Variants in GRAMD1C observed in about 807,000 individuals in gnomAD.
GRAMD1C encodes the protein protein Aster-C.
Under a neutral mutation model 97.8 loss-of-function variants are expected in GRAMD1C, and 89 were observed. That is an observed-to-expected ratio of 0.91 (90% CI 0.77 to 1.09). GRAMD1C has a LOEUF of 1.09. GRAMD1C is among the 50% of genes least tolerant of loss of function. The pLI is 0.00. For synonymous variants in GRAMD1C, 256 were observed against 267.0 expected (o/e 0.96, Z 0.40); for missense variants, 740 against 766.4 (o/e 0.97, Z 0.41).
intron 2 of GRAMD1C, among the ~76,000 whole-genome samples, chr3:113,848,984 A>AAAC (rs1933733526): frequency 6.6e-6 from 1 of 151,730 alleles, no homozygotes; most frequent in Non-Finnish European, 1.5e-5. Flanking sequence ...AGCAAAATGT[A>AAAC]AAACAAACAA....
intron 1 of GRAMD1C, among the ~76,000 whole-genome samples, chr3:113,839,288 C>T (rs1490767677): frequency 6.6e-6 from 1 of 152,208 alleles, no homozygotes; most frequent in Non-Finnish European, 1.5e-5. Flanking sequence ...TGCCCCCTTC[C>T]TTTCATTCTC....
intron 10 of GRAMD1C, chr3:113,919,749 A>G (rs973692867): frequency 1.7e-6 from 1 of 588,338 alleles, no homozygotes; most frequent in Non-Finnish European, 3.2e-6. Flanking sequence ...CTACATATAT[A>G]ATTTGAATAT....
At chr3:113,885,415 A>G in intron 6 of GRAMD1C, 1 of 1,574,264 alleles carries the variant, frequency 6.4e-7, no homozygotes, top group South Asian at 1.1e-5. Context: ...TCAGTACCAA[A>G]CTGTTCGATA....
upstream of GRAMD1C, among the ~76,000 whole-genome samples, chr3:113,836,011 C>A (rs1709625425): frequency 6.6e-6 from 1 of 152,190 alleles, no homozygotes; most frequent in African/African-American, 2.4e-5. Flanking sequence ...CGCCTGTAAT[C>A]TCAGCACTTT....
chr3:113,846,963 A>C (rs533087386), intron 2 of GRAMD1C, among the ~76,000 whole-genome samples: 11 of 152,312 alleles, frequency 7.2e-5, no homozygotes, highest in Admixed American at 7.2e-4. Flanking sequence ...AAGCAAACAA[A>C]AACAAAAAAA....
At chr3:113,863,762 T>G (rs1267100259) in intron 2 of GRAMD1C, among the ~76,000 whole-genome samples, 2 of 152,210 alleles carry the variant, frequency 1.3e-5, no homozygotes, top group African/African-American at 4.8e-5. Flanking sequence ...CTGGTGCCTG[T>G]AGCTTTCCCA....
intron 9 of GRAMD1C, 127 bp from the exon 10 acceptor site, chr3:113,915,573 AT>A: frequency 3.1e-6 from 2 of 644,394 alleles, no homozygotes; most frequent in Non-Finnish European, 5.3e-6. Context: ...TGTTCTCCTC[AT>A]TGTAATCATA....
chr3:113,902,993 G>T (rs900141423), intron 7 of GRAMD1C, among the ~76,000 whole-genome samples: 10 of 146,922 alleles, frequency 6.8e-5, no homozygotes, highest in Admixed American at 4.8e-4. Context: ...TGGAGATGGA[G>T]TCTCACTCTG....
At chr3:113,896,298 CT>C (rs1935944563) in intron 6 of GRAMD1C, among the ~76,000 whole-genome samples, 1 of 152,182 alleles carries the variant, frequency 6.6e-6, no homozygotes, top group Non-Finnish European at 1.5e-5. Flanking sequence ...CTTCCCTTGC[CT>C]TTCATGACAT....
At chr3:113,906,922 T>C (rs934177744) in intron 8 of GRAMD1C, among the ~76,000 whole-genome samples, 1 of 152,232 alleles carries the variant, frequency 6.6e-6, no homozygotes, top group Non-Finnish European at 1.5e-5. Flanking sequence ...CTGCCTACAG[T>C]ATTCAGTAGA....
At chr3:113,942,029 C>T (rs939351609) in intron 17 of GRAMD1C, among the ~76,000 whole-genome samples, 3 of 151,478 alleles carry the variant, frequency 2.0e-5, no homozygotes, top group East Asian at 1.9e-4. Context: ...AAACCTCCCA[C>T]CTCACCCTCC....
intron 1 of GRAMD1C, among the ~76,000 whole-genome samples, chr3:113,831,281 A>G (rs974177688): frequency 6.6e-6 from 1 of 152,178 alleles, no homozygotes; most frequent in Non-Finnish European, 1.5e-5. Context: ...TTAGTATGAA[A>G]GAACACTTCA....
chr3:113,932,735 T>G (rs928867923), intron 11 of GRAMD1C, among the ~76,000 whole-genome samples: 1 of 152,176 alleles, frequency 6.6e-6, no homozygotes, highest in Non-Finnish European at 1.5e-5. Flanking sequence ...AGAGACAGTT[T>G]CAGTCTGTCA....
At chr3:113,941,018 C>T (rs922169776) in intron 17 of GRAMD1C, among the ~76,000 whole-genome samples, 14 of 152,210 alleles carry the variant, frequency 9.2e-5, no homozygotes, top group African/African-American at 3.4e-4. Context: ...GCCGGGTGCA[C>T]AGCTATCATT....
In GRAMD1C at chr3:113,908,942, A is replaced by T. The variant is rs187341712; in HGVS notation, c.790-16A>T. ...AACCTGTGTTTTATTTTGAAACTGG[A>T]TTGTTTACCTTTTAGGGATTAGGCA... On this transcript the variant is annotated splice_polypyrimidine_tract_variant and intron_variant, in intron 8 of 17. Transcript: ENST00000358160. The T allele has an allele frequency of 9.1e-5, 137 of 1,501,686 alleles. No homozygotes were observed. In the African/African-American group the frequency reaches 1.8e-3, roughly 20 times the overall value. The allele number at this position is 1,501,686 out of a possible 1,614,324, so 93.0% of individuals were successfully genotyped here. A position where few individuals can be genotyped will look rare whatever the true frequency, so the allele number is the denominator to read the frequency against.
intron 15 of GRAMD1C, 105 bp from the exon 16 acceptor site, chr3:113,939,781 C>A: frequency 3.3e-6 from 2 of 602,994 alleles, no homozygotes; most frequent in East Asian, 2.9e-5. Context: ...CAATGAAAAA[C>A]AGTGTAGACA....
chr3:113,923,158 G>T (rs938732173), intron 10 of GRAMD1C, among the ~76,000 whole-genome samples: 4 of 152,084 alleles, frequency 2.6e-5, no homozygotes, highest in Non-Finnish European at 4.4e-5. Context: ...TTGCTTATCA[G>T]ATCTAGGAGC....
At position 113,843,905 on chromosome 3, in the gene GRAMD1C, A is replaced by T. The variant is rs116902598; in HGVS notation, c.28-598A>T. Among the ~76,000 whole-genome samples, 167 of 152,320 alleles carry T rather than the reference A, an allele frequency of 1.1e-3. 5 individuals carry two copies. The East Asian group carries it at 0.026, about 23-fold the overall frequency. On this transcript the variant is annotated intron_variant, in intron 1 of 17. Transcript: ENST00000358160. ...CTCTATGTGTATATTAAATTGCTGC[A>T]TTGCAGTATATGTCTATCTTCTTTC...
intron 9 of GRAMD1C, among the ~76,000 whole-genome samples, chr3:113,911,147 G>A (rs1449040178): frequency 7.2e-6 from 1 of 139,564 alleles, no homozygotes; most frequent in East Asian, 2.1e-4. Flanking sequence ...TGAGGGAGGA[G>A]CAGAGCAGGG....
Sources: gnomAD v4.1 joint callset for allele counts (sites outside exome capture counted in the v4.1 genomes callset) on GRCh38, gnomAD v4.1.1 for gene constraint, MANE v1.5 for transcripts, NCBI Gene and HGNC (gene_info 2026-07-23, HGNC 2026-07-21) for gene names.